The following WASHC4 variants were observed in gnomAD, a reference collection of about 807,000 sequenced individuals.
WASHC4 encodes WASH complex subunit 7.
A neutral mutation model predicts 166.6 loss-of-function variants in WASHC4; 86 were observed. The ratio of observed to expected loss-of-function variants is 0.52; its 90% CI spans 0.43 to 0.62. The LOEUF is 0.62. Among genes scored for constraint, WASHC4 ranks in the 20% least tolerant of loss-of-function variants. The probability of loss-of-function intolerance (pLI) is 0.00; values close to 1 mark genes in which losing one functional copy is unlikely to be tolerated. For synonymous variants in WASHC4, 446 were observed against 451.6 expected (o/e 0.99, Z 0.16); for missense variants, 1,262 against 1,382.4 (o/e 0.91, Z 1.38).
intron 22 of WASHC4, 47 bp downstream of exon 22, chr12:105,144,919 A>T (rs371307826): frequency 6.7e-5 from 105 of 1,559,472 alleles, no homozygotes; most frequent in Middle Eastern, 3.5e-4. Flanking sequence ...TGTTGGCTGT[A>T]ACAGTACTTT....
rs183003117 is a variant in WASHC4, at chr12:105,155,955, G to A, written c.2759-771G>A. The stretch of plus-strand genomic sequence containing the variant: ...GGCAGGATGCTAAAGGTGAAAGTAG[G>A]GAAATCAGGAGGCCATTGCATATTG... On this transcript the variant is annotated intron_variant, in intron 26 of 32. Coordinates refer to ENST00000332180, the MANE Select transcript of WASHC4 (RefSeq NM_015275.3). Among the ~76,000 whole-genome samples, 363 of 152,304 alleles carry A rather than the reference G, an allele frequency of 2.4e-3. 10 individuals carry two copies. The highest frequency in any genetic ancestry group is 0.021 in the Admixed American group (328 of 15,296).
At chr12:105,118,307 A>C in intron 6 of WASHC4, 139 bp from the exon 7 acceptor site, 1 of 714,754 alleles carries the variant, frequency 1.4e-6, no homozygotes, top group Non-Finnish European at 2.6e-6. Flanking sequence ...GGATGCTTGA[A>C]CTTGTCTGGC....
At chr12:105,120,307 T>C (rs1880608375) in intron 7 of WASHC4, among the ~76,000 whole-genome samples, 1 of 152,210 alleles carries the variant, frequency 6.6e-6, no homozygotes, top group Non-Finnish European at 1.5e-5. Flanking sequence ...GCAAGAATAC[T>C]ATTAGGTTGG....
intron 1 of WASHC4, among the ~76,000 whole-genome samples, chr12:105,108,104 G>T (rs1182289127): frequency 6.6e-6 from 1 of 152,198 alleles, no homozygotes. Context: ...CTCCTGGGGA[G>T]CCTGCGGTGC....
At position 105,149,543 on chromosome 12, in the gene WASHC4, AAATTTATTTG is replaced by A. The variant is rs1883569625; in HGVS notation, c.2515-67_2515-58del. ...ACAAATAGATAACTGTGATACAGTAAAATTTATTTGAATTGATTTGAATTAATTTTTATAT... is the reference window on the plus strand; with the variant it reads ...ACAAATAGATAACTGTGATACAGTAAAATTGATTTGAATTAATTTTTATAT... On this transcript the variant is annotated intron_variant, in intron 24 of 32. Transcript: ENST00000332180. The A allele has an allele frequency of 9.0e-6, 10 of 1,116,302 alleles. No individual in the cohort carries two copies. The Middle Eastern group carries it at 8.8e-4, about 98-fold the overall frequency. 69.1% of individuals were successfully genotyped at this position (1,116,302 alleles called of 1,614,324 possible).
At chr12:105,136,882 G>A (rs1393400620) in intron 14 of WASHC4, among the ~76,000 whole-genome samples, 1 of 152,052 alleles carries the variant, frequency 6.6e-6, no homozygotes, top group Admixed American at 6.6e-5. Context: ...GTGGTTCAGA[G>A]GAACTCCTAC....
chr12:105,121,262 G>GT, intron 9 of WASHC4, 58 bp downstream of exon 9: 1 of 1,032,668 alleles, frequency 9.7e-7, no homozygotes, highest in Non-Finnish European at 1.5e-6. Flanking sequence ...ATTTGTGTTA[G>GT]TAAAAAGTAA....
intron 10 of WASHC4, among the ~76,000 whole-genome samples, chr12:105,124,502 AT>A (rs1347989799): frequency 6.8e-6 from 1 of 147,476 alleles, no homozygotes; most frequent in Non-Finnish European, 1.5e-5. Context: ...TGTTTTTGAG[AT>A]GGAGTCTTGC....
chr12:105,141,074 A>G, intron 17 of WASHC4, 29 bp downstream of exon 17: 1 of 1,613,626 alleles, frequency 6.2e-7, no homozygotes, highest in Non-Finnish European at 8.5e-7. Context: ...CTTATGGAAC[A>G]GAAATGAGAT....
chr12:105,154,404 G>A lies in WASHC4; in HGVS notation c.2758+1953G>A, dbSNP rs114358809. ...TCTGATAAATATCTTGAGAAAAGGT[G>A]TAAAGAATCTGGGAGCAAAATGGAA... is the stretch of plus-strand genomic sequence containing the variant. On this transcript the variant is annotated intron_variant, in intron 26 of 32. Transcript: ENST00000332180. 3.3e-3 allele frequency among the ~76,000 whole-genome samples: 499 copies of A among 152,272 alleles called. 2 individuals carry two copies. The highest frequency in any genetic ancestry group is 0.011 in the African/African-American group (469 of 41,556).
rs970501578 is a variant in WASHC4 at position 105,159,418 on chromosome 12, G to A, written c.2913-583G>A. On this transcript the variant is annotated intron_variant, in intron 28 of 32. Transcript: ENST00000332180. ...TCCTAATCCTGCGTAATTGTAGGACGGTGGTTAAAAGGTTAGTAGATGTCT... is the reference window on the plus strand; with the variant it reads ...TCCTAATCCTGCGTAATTGTAGGACAGTGGTTAAAAGGTTAGTAGATGTCT... 4.6e-5 allele frequency among the ~76,000 whole-genome samples: 7 copies of A among 152,312 alleles called. No homozygotes were observed. In the South Asian group the frequency reaches 1.4e-3, roughly 32 times the overall value.
rs551120320 is a variant in WASHC4 at position 105,132,847 on chromosome 12, G to T, written c.1200-923G>T. Among the ~76,000 whole-genome samples the T allele has an allele frequency of 3.3e-5, 5 of 150,130 alleles. No individual in the cohort carries two copies. The East Asian group carries it at 9.9e-4, about 30-fold the overall frequency. Reference sequence around the variant, plus strand: ...GTGTGTGTGTAAAGTGCTTGGAATGGTACCTGTCATGTAGTAAGCATTCAA... The same window carrying T: ...GTGTGTGTGTAAAGTGCTTGGAATGTTACCTGTCATGTAGTAAGCATTCAA... On this transcript the variant is annotated intron_variant, in intron 13 of 32. Coordinates refer to ENST00000332180, the MANE Select transcript of WASHC4 (RefSeq NM_015275.3).
At chr12:105,130,123 C>G (rs528301658) in intron 13 of WASHC4, among the ~76,000 whole-genome samples, 1 of 152,326 alleles carries the variant, frequency 6.6e-6, no homozygotes, top group African/African-American at 2.4e-5. Context: ...GTGGCAGATG[C>G]AGGCAGTTCA....
intron 1 of WASHC4, among the ~76,000 whole-genome samples, chr12:105,108,417 T>C (rs1372857546): frequency 6.6e-6 from 1 of 152,252 alleles, no homozygotes. Context: ...CACGTGAATG[T>C]CATTTTATCA....
Position 105,164,160 on chromosome 12 carries a change from A to G in WASHC4, c.3207A>G (p.Ser1069=). The stretch of plus-strand genomic sequence containing the variant: ...TGGATCAGTATCGGGAGTTTGATTC[A>G]CTTCACTGGTTCCAGTCTGTTAGAG... ...KLLDQYREFD[S]LHWFQSVREK... is the part of the protein sequence containing the mutation. The change falls in exon 31 of 33, where the codon TCA becomes TCG. Residue 1069 remains serine, a synonymous_variant. Coordinates refer to ENST00000332180, the MANE Select transcript of WASHC4 (RefSeq NM_015275.3). The G allele has an allele frequency of 6.2e-7, 1 of 1,614,146 alleles. No homozygotes were observed. The highest frequency in any genetic ancestry group is 8.5e-7 in the Non-Finnish European group (1 of 1,180,004).
chr12:105,135,682 A>G (rs1246941231), intron 14 of WASHC4, among the ~76,000 whole-genome samples: 3 of 51,814 alleles, frequency 5.8e-5, no homozygotes, highest in Non-Finnish European at 9.7e-5. Flanking sequence ...TTCTCTCTTC[A>G]TCTGTCTCTA....
chr12:105,156,283 TA>T, intron 26 of WASHC4, among the ~76,000 whole-genome samples: 1 of 152,052 alleles, frequency 6.6e-6, no homozygotes, highest in Middle Eastern at 3.2e-3. Context: ...AGGCATCGGA[TA>T]AAAAAACCTA....
chr12:105,151,514 C>G (rs1243114471), intron 25 of WASHC4, among the ~76,000 whole-genome samples: 1 of 151,464 alleles, frequency 6.6e-6, no homozygotes, highest in Non-Finnish European at 1.5e-5. Context: ...CTGAGTCTGG[C>G]TCTGTCTCCC....
At chr12:105,156,141 C>CT (rs1026338395) in intron 26 of WASHC4, among the ~76,000 whole-genome samples, 17 of 152,302 alleles carry the variant, frequency 1.1e-4, no homozygotes, top group African/African-American at 3.8e-4. Flanking sequence ...CCAGGGATGA[C>CT]TTTAAGACAT....
Sources: allele counts gnomAD v4.1 joint callset (sites outside exome capture counted in the v4.1 genomes callset), GRCh38; gene constraint gnomAD v4.1.1; transcripts MANE v1.5; gene names NCBI Gene and HGNC (gene_info 2026-07-23, HGNC 2026-07-21).